Variants in STK17A observed in about 807,000 individuals in gnomAD.
The protein encoded by STK17A is serine/threonine-protein kinase 17A.
STK17A carries 26 observed loss-of-function variants against 43.7 expected under a neutral mutation model. The observed-to-expected ratio is 0.60, with a 90% CI of 0.44 to 0.83. The LOEUF is 0.83. Among genes scored for constraint, STK17A ranks in the 40% least tolerant of loss-of-function variants. The pLI is 0.00. For missense variants in STK17A, 476 were observed against 511.6 expected (o/e 0.93, Z 0.67); for synonymous variants, 191 against 182.5 (o/e 1.05, Z -0.38).
At chr7:43,597,393 A>T (rs1015506191) in intron 2 of STK17A, among the ~76,000 whole-genome samples, 24 of 146,574 alleles carry the variant, frequency 1.6e-4, no homozygotes, top group Admixed American at 1.0e-3. Context: ...TGTTGTTATT[A>T]TTTTTTTTTT....
At chr7:43,599,757 G>C (rs2152971536) in intron 2 of STK17A, among the ~76,000 whole-genome samples, 1 of 152,290 alleles carries the variant, frequency 6.6e-6, no homozygotes, top group South Asian at 2.1e-4. Flanking sequence ...TGGGATGCTG[G>C]TAACATGGCT....
At position 43,608,374 on chromosome 7, in the gene STK17A, C is replaced by A. The variant is rs770356144; in HGVS notation, c.538C>A (p.Arg180Ser). The A allele has an allele frequency of 6.2e-7, 1 of 1,609,050 alleles. No individual in the cohort carries two copies. The highest frequency in any genetic ancestry group is 1.7e-5 in the Admixed American group (1 of 58,624). ...ILEGVHFLHT[R>S]DVVHLDLKPQ... ...AGAAGGTGTTCACTTTTTACACACT[C>A]GTGATGTAGTTCATCTTGATTTGAA... Residue 180 changes from arginine to serine, a missense_variant, in exon 3 of 7, where the codon CGT (arginine) becomes AGT (serine). By Grantham distance (110) the Arg-to-Ser change is moderately radical. Transcript: ENST00000319357.
intron 6 of STK17A, 67 bp from the exon 7 acceptor site, chr7:43,624,451 G>A: frequency 2.1e-6 from 3 of 1,455,268 alleles, no homozygotes; most frequent in South Asian, 2.8e-5. Context: ...AATAAATACA[G>A]TACCTTATGC....
chr7:43,625,925 A>G lies in STK17A; in HGVS notation c.*1083A>G, dbSNP rs894229682. On this transcript the variant is annotated 3_prime_UTR_variant, in exon 7 of 7. Coordinates refer to ENST00000319357, the MANE Select transcript of STK17A (RefSeq NM_004760.3). Reference sequence around the variant, plus strand: ...ATTGGATACTCTGTAAGTAGGAGGTACTTTGTCCCAAAAAGATGTATAAGA... The same window carrying G: ...ATTGGATACTCTGTAAGTAGGAGGTGCTTTGTCCCAAAAAGATGTATAAGA... The G allele has an allele frequency of 6.6e-6, 1 of 152,214 alleles. No homozygotes were observed. Among genetic ancestry groups the G allele is most frequent in the Non-Finnish European group, 1.5e-5 (1 of 68,040 alleles). The allele number at this position is 152,214 out of a possible 1,614,324, so 9.4% of individuals were successfully genotyped here.
intron 6 of STK17A, among the ~76,000 whole-genome samples, chr7:43,624,241 A>G (rs900636400): frequency 1.3e-5 from 2 of 152,224 alleles, no homozygotes; most frequent in Admixed American, 1.3e-4. Flanking sequence ...AATGACAGCT[A>G]ATCTCTAGCA....
chr7:43,621,220 T>G (rs10262925), intron 4 of STK17A, among the ~76,000 whole-genome samples: 22,309 of 152,190 alleles, frequency 0.15, 2,182 homozygotes, highest in Non-Finnish European at 0.21. Context: ...ACCTTTAAAA[T>G]TTTTTATATA....
intron 1 of STK17A, among the ~76,000 whole-genome samples, chr7:43,584,344 T>G (rs1324125006): frequency 6.6e-6 from 1 of 152,190 alleles, no homozygotes; most frequent in Non-Finnish European, 1.5e-5. Context: ...GTGTTTGCCT[T>G]TGGAGGGGTT....
intron 2 of STK17A, among the ~76,000 whole-genome samples, chr7:43,604,007 T>C (rs10236108): frequency 0.26 from 40,302 of 152,104 alleles, 6,062 homozygotes; most frequent in Non-Finnish European, 0.33. Flanking sequence ...AAGGGATATT[T>C]GGCCTATAAA....
intron 1 of STK17A, 75 bp downstream of exon 1, chr7:43,583,524 C>G (rs2241738): frequency 0.38 from 452,772 of 1,182,540 alleles, 87,660 homozygotes; most frequent in Admixed American, 0.47. Flanking sequence ...TAAGTGCCGG[C>G]GCCGCGGCGG....
chr7:43,586,178 A>AT (rs143487738), intron 1 of STK17A, among the ~76,000 whole-genome samples: 2,136 of 150,164 alleles, frequency 0.014, 50 homozygotes, highest in African/African-American at 0.049. Context: ...AGAAAAACAG[A>AT]TTTTTTTTTT....
intron 2 of STK17A, among the ~76,000 whole-genome samples, chr7:43,596,992 T>C (rs1035244252): frequency 6.6e-6 from 1 of 151,964 alleles, no homozygotes; most frequent in African/African-American, 2.4e-5. Flanking sequence ...ACAAAGACCC[T>C]GTCTCTTTTA....
intron 2 of STK17A, among the ~76,000 whole-genome samples, chr7:43,602,119 G>T (rs1399520260): frequency 3.3e-5 from 5 of 152,176 alleles, no homozygotes; most frequent in African/African-American, 1.2e-4. Flanking sequence ...TTATTTCCAA[G>T]ACTGAAACCC....
chr7:43,607,706 T>C (rs1315687928), intron 2 of STK17A, among the ~76,000 whole-genome samples: 1 of 149,418 alleles, frequency 6.7e-6, no homozygotes, highest in Non-Finnish European at 1.5e-5. Context: ...AAGAGACTAA[T>C]TGCTCTTAAA....
intron 1 of STK17A, among the ~76,000 whole-genome samples, chr7:43,589,195 A>G (rs1258512606): frequency 6.6e-6 from 1 of 151,600 alleles, no homozygotes; most frequent in East Asian, 1.9e-4. Flanking sequence ...TATATATACT[A>G]GGTGTGCTGA....
chr7:43,595,044 A>G (rs1563144380), intron 1 of STK17A, among the ~76,000 whole-genome samples: 1 of 152,124 alleles, frequency 6.6e-6, no homozygotes, highest in Non-Finnish European at 1.5e-5. Flanking sequence ...TCCCTGGTTT[A>G]CCCACTTATT....
At chr7:43,608,228 A>G (rs772820957) in intron 2 of STK17A, 28 bp from the exon 3 acceptor site, 1 of 1,596,198 alleles carries the variant, frequency 6.3e-7, no homozygotes. Flanking sequence ...TATGAGTTAT[A>G]TATTACTTTA....
rs1491081528 is a variant in STK17A at position 43,587,152 on chromosome 7, TTG to T, written c.206+3705_206+3706del. On this transcript the variant is annotated intron_variant, in intron 1 of 6. Coordinates refer to ENST00000319357, the MANE Select transcript of STK17A (RefSeq NM_004760.3). ...TGAAATGATATGTTTTTATTGTTTT[TTG>T]TTTTTTTTTTTTTTTTTTGAGATGG... 6.7e-4 allele frequency among the ~76,000 whole-genome samples: 85 copies of T among 126,640 alleles called. No homozygotes were observed. In the South Asian group the frequency reaches 7.4e-3, roughly 11 times the overall value. 83.1% of individuals were successfully genotyped at this position (126,640 alleles called of 152,430 possible).
intron 3 of STK17A, among the ~76,000 whole-genome samples, chr7:43,615,382 G>T (rs1455714008): frequency 6.6e-6 from 1 of 152,006 alleles, no homozygotes; most frequent in East Asian, 1.9e-4. Context: ...TCATCATGTT[G>T]CCCAGGCTGG....
At position 43,625,078 on chromosome 7, in the gene STK17A, T is replaced by G; in HGVS notation, c.*236T>G. On this transcript the variant is annotated 3_prime_UTR_variant, in exon 7 of 7. Coordinates refer to ENST00000319357, the MANE Select transcript of STK17A (RefSeq NM_004760.3). ...AATGTTATTTTTAAGAAGGGAGATG[T>G]TGGCACCTTTGAATTCTACATCCTG... 2.8e-6 allele frequency: 1 copy of G among 354,344 alleles called. No homozygotes were observed. The highest frequency in any genetic ancestry group is 5.1e-6 in the Non-Finnish European group (1 of 195,960). 21.9% of individuals were successfully genotyped at this position (354,344 alleles called of 1,614,324 possible).
Sources: allele counts gnomAD v4.1 joint callset (sites outside exome capture counted in the v4.1 genomes callset), GRCh38; gene constraint gnomAD v4.1.1; transcripts MANE v1.5; gene names NCBI Gene and HGNC (gene_info 2026-07-23, HGNC 2026-07-21).